Variants in ZNF736 observed in about 807,000 individuals in gnomAD.
ZNF736 encodes KRAB-containing zinc-finger repressor protein.
ZNF736 carries 6 observed loss-of-function variants against 11.7 expected under a neutral mutation model. That is an observed-to-expected ratio of 0.51 (90% confidence interval 0.28 to 1.01). The LOEUF is 1.01. ZNF736 is among the 50% of genes least tolerant of loss of function. ZNF736 has a pLI of 0.09. For synonymous variants in ZNF736, 139 were observed against 164.7 expected, an observed-to-expected ratio of 0.84 and a Z score of 1.19; for missense variants, 444 against 496.0, an observed-to-expected ratio of 0.90 and a Z score of 1.00.
intron 3 of ZNF736, among the ~76,000 whole-genome samples, chr7:64,338,881 A>AC (rs1789296902): frequency 6.6e-6 from 1 of 152,020 alleles, no homozygotes; most frequent in Non-Finnish European, 1.5e-5. Flanking sequence ...TAGCAGTACT[A>AC]TTAAAAAATT....
chr7:64,320,461 G>T (rs1276252814), intron 1 of ZNF736, among the ~76,000 whole-genome samples: 3 of 151,982 alleles, frequency 2.0e-5, no homozygotes, highest in African/African-American at 7.2e-5. Context: ...ATGTTTTTTT[G>T]CCTAAGCTAG....
intron 3 of ZNF736, among the ~76,000 whole-genome samples, chr7:64,339,231 C>T: frequency 6.6e-6 from 1 of 152,054 alleles, no homozygotes; most frequent in African/African-American, 2.4e-5. Flanking sequence ...ATACTAACCA[C>T]TTATCAGATA....
chr7:64,330,792 C>A (rs529909539), intron 1 of ZNF736, among the ~76,000 whole-genome samples: 1 of 151,152 alleles, frequency 6.6e-6, no homozygotes, highest in East Asian at 1.9e-4. Context: ...GGTACCTTCC[C>A]TTCAAGGCAG....
rs1363667496 is a variant in ZNF736 at position 64,351,916 on chromosome 7, C to T, written c.*2769C>T. On this transcript the variant is annotated 3_prime_UTR_variant, in exon 4 of 4. Transcript: ENST00000423484. Reference sequence around the variant, plus strand: ...GTTTGTGGGACCCATGGAGGATGGGCTGGCTTCCTCTCCTTGGGTAAACTG... The same window carrying T: ...GTTTGTGGGACCCATGGAGGATGGGTTGGCTTCCTCTCCTTGGGTAAACTG... The T allele has an allele frequency of 6.6e-6, 1 of 151,806 alleles. No individual in the cohort carries two copies. Among genetic ancestry groups the T allele is most frequent in the East Asian group, 1.9e-4 (1 of 5,146 alleles). 9.4% of individuals were successfully genotyped at this position (151,806 alleles called of 1,614,324 possible).
intron 1 of ZNF736, among the ~76,000 whole-genome samples, chr7:64,328,064 A>C (rs1789105979): frequency 6.9e-6 from 1 of 145,610 alleles, no homozygotes; most frequent in South Asian, 2.2e-4. Flanking sequence ...AATAGTTTAC[A>C]CACCACATTT....
chr7:64,345,820 C>T (rs1409417663), intron 3 of ZNF736, among the ~76,000 whole-genome samples: 1 of 146,526 alleles, frequency 6.8e-6, no homozygotes, highest in Admixed American at 6.8e-5. Context: ...TTTCTAGTTT[C>T]ATTCCATTTG....
intron 1 of ZNF736, among the ~76,000 whole-genome samples, chr7:64,328,925 C>G (rs1789119907): frequency 6.7e-6 from 1 of 149,140 alleles, no homozygotes; most frequent in Admixed American, 6.7e-5. Flanking sequence ...TCTTTAAGGC[C>G]ATATTTCTTA....
In ZNF736 at chr7:64,351,638, A is replaced by G. The variant is rs1021305120; in HGVS notation, c.*2491A>G. ...TAGGCCCAACAGTTCCCGTAGGGCT[A>G]AAGTCTCTTATGGGAGACAGTTGAG... is the stretch of plus-strand genomic sequence containing the variant. On this transcript the variant is annotated 3_prime_UTR_variant, in exon 4 of 4. Coordinates refer to ENST00000423484, the MANE Select transcript of ZNF736 (RefSeq NM_001170905.3). 3 of 152,282 alleles carry G rather than the reference A, an allele frequency of 2.0e-5. No individual in the cohort carries two copies. Among genetic ancestry groups the G allele is most frequent in the Non-Finnish European group, 4.4e-5 (3 of 68,084 alleles). 9.4% of individuals were successfully genotyped at this position (152,282 alleles called of 1,614,324 possible).
intron 3 of ZNF736, among the ~76,000 whole-genome samples, chr7:64,343,204 C>T (rs1356988189): frequency 6.6e-6 from 1 of 152,066 alleles, no homozygotes; most frequent in Non-Finnish European, 1.5e-5. Context: ...ATATGTGGTA[C>T]CTATATACAC....
chr7:64,337,176 T>C (rs1464086274), intron 3 of ZNF736, 194 bp downstream of exon 3: 1 of 601,924 alleles, frequency 1.7e-6, no homozygotes, highest in Non-Finnish European at 2.9e-6. Flanking sequence ...GCACTGTACT[T>C]CCCCTTCAGT....
intron 3 of ZNF736, among the ~76,000 whole-genome samples, chr7:64,346,106 C>T (rs1183763859): frequency 4.6e-5 from 7 of 151,982 alleles, no homozygotes; most frequent in African/African-American, 1.7e-4. Flanking sequence ...GCTTCAGTTC[C>T]GTCAATGTTT....
intron 3 of ZNF736, among the ~76,000 whole-genome samples, chr7:64,345,085 G>A (rs1411849233): frequency 6.0e-5 from 9 of 151,202 alleles, no homozygotes; most frequent in East Asian, 2.0e-4. Flanking sequence ...GTGCAGTGGC[G>A]CGATCTCGGC....
intron 1 of ZNF736, among the ~76,000 whole-genome samples, chr7:64,328,916 C>G (rs1789119829): frequency 6.7e-6 from 1 of 149,998 alleles, no homozygotes; most frequent in East Asian, 2.0e-4. Flanking sequence ...TCTACCTCCT[C>G]TTTAAGGCCA....
intron 1 of ZNF736, among the ~76,000 whole-genome samples, chr7:64,321,842 G>T (rs1238373729): frequency 1.3e-5 from 2 of 152,178 alleles, no homozygotes; most frequent in Admixed American, 1.3e-4. Flanking sequence ...AAATTTTAAA[G>T]AATTTACTTC....
intron 3 of ZNF736, among the ~76,000 whole-genome samples, chr7:64,343,221 A>T (rs1282109438): frequency 6.6e-6 from 1 of 152,208 alleles, no homozygotes; most frequent in Admixed American, 6.5e-5. Flanking sequence ...ACACATTGAA[A>T]TACTACACAG....
At position 64,348,970 on chromosome 7, in the gene ZNF736, C is replaced by T. The variant is rs1789450694; in HGVS notation, c.1107C>T (p.Tyr369=). 2 of 1,590,370 alleles carry T rather than the reference C, an allele frequency of 1.3e-6. No homozygotes were observed. Among genetic ancestry groups the T allele is most frequent in the Admixed American group, 1.8e-5 (1 of 56,142 alleles). The change falls in exon 4 of 4, where the codon TAC becomes TAT. Residue 369 remains tyrosine (Y), a synonymous_variant. Coordinates refer to ENST00000423484, the MANE Select transcript of ZNF736 (RefSeq NM_001170905.3). ...HKRIHMEERP[Y]KCEECSKTFK... is the part of the protein sequence containing the mutation. The stretch of plus-strand genomic sequence containing the variant: ...GAATTCATATGGAAGAGAGACCTTA[C>T]AAATGTGAAGAATGCAGCAAAACCT...
At chr7:64,340,607 A>T (rs571371832) in intron 3 of ZNF736, among the ~76,000 whole-genome samples, 1 of 152,138 alleles carries the variant, frequency 6.6e-6, no homozygotes, top group South Asian at 2.1e-4. Flanking sequence ...GAGTCTCACT[A>T]TATCACCCAG....
At chr7:64,331,705 C>T (rs1404353743) in intron 1 of ZNF736, among the ~76,000 whole-genome samples, 6 of 152,130 alleles carry the variant, frequency 3.9e-5, no homozygotes, top group Non-Finnish European at 7.3e-5. Flanking sequence ...GGGTCAATCA[C>T]GAGCGCTTTC....
At chr7:64,325,471 C>A (rs1789071081) in intron 1 of ZNF736, among the ~76,000 whole-genome samples, 1 of 152,146 alleles carries the variant, frequency 6.6e-6, no homozygotes, top group Admixed American at 6.5e-5. Context: ...TACTTCCTGA[C>A]TAAACCCTCT....
Sources: allele counts gnomAD v4.1 joint callset (sites outside exome capture counted in the v4.1 genomes callset), GRCh38; gene constraint gnomAD v4.1.1; transcripts MANE v1.5; gene names NCBI Gene and HGNC (gene_info 2026-07-23, HGNC 2026-07-21).